The following SEMA3A variants were observed in gnomAD, a reference collection of about 807,000 sequenced individuals.
The protein encoded by SEMA3A is semaphorin 3A, also known as semaphorin-3A.
Under a neutral mutation model 97.9 loss-of-function variants are expected in SEMA3A, and 29 were observed. That is an observed-to-expected ratio of 0.30 (90% CI 0.22 to 0.40). The LOEUF (loss-of-function observed/expected upper bound fraction) is 0.40, where lower values mean the gene tolerates loss of function less well. SEMA3A is among the 10% of genes least tolerant of loss of function. The probability of loss-of-function intolerance (pLI) is 1.00; values close to 1 mark genes in which losing one functional copy is unlikely to be tolerated. For missense variants in SEMA3A, 763 were observed against 951.3 expected, an observed-to-expected ratio of 0.80 and a Z score of 2.60; for synonymous variants, 321 against 323.7, an observed-to-expected ratio of 0.99 and a Z score of 0.09.
At chr7:84,160,780 T>C (rs1797005675) in intron 1 of SEMA3A, among the ~76,000 whole-genome samples, 1 of 151,056 alleles carries the variant, frequency 6.6e-6, no homozygotes, top group Non-Finnish European at 1.5e-5. Flanking sequence ...CTTGGGAGGC[T>C]GAGGCAGGAG....
chr7:84,308,589 A>G (rs1801226454), intron 2 of SEMA3A, among the ~76,000 whole-genome samples: 1 of 152,148 alleles, frequency 6.6e-6, no homozygotes, highest in Non-Finnish European at 1.5e-5. Flanking sequence ...ACAGTGAGCT[A>G]CAGCTAAAAT....
chr7:84,290,173 A>G (rs1339874451), intron 3 of SEMA3A, among the ~76,000 whole-genome samples: 1 of 152,088 alleles, frequency 6.6e-6, no homozygotes, highest in Non-Finnish European at 1.5e-5. Context: ...GATTGTGATG[A>G]TAATTATACC....
chr7:84,262,504 A>G (rs552208274), intron 3 of SEMA3A, among the ~76,000 whole-genome samples: 2 of 152,340 alleles, frequency 1.3e-5, no homozygotes, highest in South Asian at 2.1e-4. Context: ...GTAAGCCACC[A>G]TGCCTGGCCA....
chr7:84,379,913 G>T (rs1464036798), intron 1 of SEMA3A, among the ~76,000 whole-genome samples: 1 of 152,128 alleles, frequency 6.6e-6, no homozygotes, highest in East Asian at 1.9e-4. Flanking sequence ...AATATAGTTA[G>T]ATTTGTTTGG....
chr7:84,023,451 C>T (rs1248296669), intron 6 of SEMA3A, among the ~76,000 whole-genome samples: 2 of 152,076 alleles, frequency 1.3e-5, no homozygotes, highest in Non-Finnish European at 2.9e-5. Context: ...AGTTGGGATA[C>T]ATATTGGTTT....
intron 12 of SEMA3A, among the ~76,000 whole-genome samples, chr7:83,992,863 T>C (rs1011268359): frequency 1.3e-5 from 2 of 152,046 alleles, no homozygotes; most frequent in African/African-American, 2.4e-5. Flanking sequence ...GTTCAATTCC[T>C]GGGTATCCTT....
chr7:84,355,455 T>C (rs751606910), intron 2 of SEMA3A, among the ~76,000 whole-genome samples: 2 of 151,860 alleles, frequency 1.3e-5, no homozygotes, highest in Non-Finnish European at 2.9e-5. Flanking sequence ...AAACACATAA[T>C]TGTATCCTTT....
intron 6 of SEMA3A, among the ~76,000 whole-genome samples, chr7:84,021,273 G>A (rs1791317758): frequency 1.4e-5 from 2 of 138,936 alleles, no homozygotes; most frequent in African/African-American, 5.9e-5. Flanking sequence ...TGTTGTTCAT[G>A]TGACATAGAA....
intron 6 of SEMA3A, among the ~76,000 whole-genome samples, chr7:84,028,847 C>T (rs543419613): frequency 3.3e-5 from 5 of 152,204 alleles, no homozygotes; most frequent in South Asian, 4.2e-4. Flanking sequence ...TCTCAATCTC[C>T]TGACCTCGTG....
intron 3 of SEMA3A, among the ~76,000 whole-genome samples, chr7:84,218,144 T>C (rs771276262): frequency 6.6e-6 from 1 of 152,248 alleles, no homozygotes; most frequent in African/African-American, 2.4e-5. Context: ...GAATTTCAGA[T>C]AAATGGTATA....
intron 4 of SEMA3A, among the ~76,000 whole-genome samples, chr7:84,064,494 G>C (rs1179652415): frequency 6.6e-6 from 1 of 152,142 alleles, no homozygotes; most frequent in Non-Finnish European, 1.5e-5. Context: ...AAAGAGTCAA[G>C]AGCCATCAGT....
chr7:84,080,491 T>A (rs2115796307), intron 4 of SEMA3A, among the ~76,000 whole-genome samples: 1 of 152,166 alleles, frequency 6.6e-6, no homozygotes, highest in African/African-American at 2.4e-5. Context: ...ATCTTTATTA[T>A]AAATTATTTT....
chr7:84,087,998 T>A (rs150467686), intron 4 of SEMA3A, among the ~76,000 whole-genome samples: 4 of 152,314 alleles, frequency 2.6e-5, no homozygotes, highest in Non-Finnish European at 5.9e-5. Flanking sequence ...GTTTTAGGGA[T>A]CTTGTAGCAC....
At position 84,303,169 on chromosome 7, in the gene SEMA3A, C is replaced by T. The variant is rs113102579; in HGVS notation, c.-83+4038G>A. 3.9e-5 allele frequency among the ~76,000 whole-genome samples: 6 copies of T among 152,180 alleles called. 1 individual carries two copies. The highest frequency in any genetic ancestry group is 1.2e-4 in the African/African-American group (5 of 41,510). On this transcript the variant is annotated intron_variant, in intron 3 of 3. Transcript: ENST00000424555. Reference sequence around the variant, plus strand: ...TGCAGAGGAGGTTAGGCATGTATGCCAGATTCTCTTTCGGGGCAAAACCAA... The same window carrying T: ...TGCAGAGGAGGTTAGGCATGTATGCTAGATTCTCTTTCGGGGCAAAACCAA...
At position 84,268,560 on chromosome 7, in the gene SEMA3A, A is replaced by C. The variant is rs113148262; in HGVS notation, c.-83+38647T>G. Reference sequence around the variant, plus strand: ...GTATTTTCCCTTTTTCTTTAGGATAAATTGGGTTGGCTTCGTGTAACTTCA... The same window carrying C: ...GTATTTTCCCTTTTTCTTTAGGATACATTGGGTTGGCTTCGTGTAACTTCA... On this transcript the variant is annotated intron_variant, in intron 3 of 3. Coordinates refer to the SEMA3A transcript ENST00000424555. Among the ~76,000 whole-genome samples, 5 of 152,068 alleles carry C rather than the reference A, an allele frequency of 3.3e-5. 1 individual carries two copies. Among genetic ancestry groups the C allele is most frequent in the African/African-American group, 1.2e-4 (5 of 41,494 alleles).
At chr7:84,384,197 A>C (rs1803343179) in intron 1 of SEMA3A, among the ~76,000 whole-genome samples, 1 of 152,154 alleles carries the variant, frequency 6.6e-6, no homozygotes. Flanking sequence ...GGAAATTAAA[A>C]ATAATAATCA....
At chr7:84,492,018 A>G (rs570414281) in intron 1 of SEMA3A, among the ~76,000 whole-genome samples, 1 of 152,282 alleles carries the variant, frequency 6.6e-6, no homozygotes, top group African/African-American at 2.4e-5. Flanking sequence ...AATTCCTCAC[A>G]TTAATGTATG....
chr7:84,422,627 T>C (rs1224752239), intron 1 of SEMA3A, among the ~76,000 whole-genome samples: 2 of 152,234 alleles, frequency 1.3e-5, no homozygotes, highest in South Asian at 2.1e-4. Flanking sequence ...TTTTAGATCT[T>C]TCCCGCTTTC....
At chr7:84,215,784 G>A (rs1280149350) in intron 3 of SEMA3A, among the ~76,000 whole-genome samples, 2 of 152,018 alleles carry the variant, frequency 1.3e-5, no homozygotes, top group Non-Finnish European at 2.9e-5. Flanking sequence ...TAGTATAACT[G>A]GGGAAAATTA....
Sources: allele counts gnomAD v4.1 joint callset (sites outside exome capture counted in the v4.1 genomes callset), GRCh38; gene constraint gnomAD v4.1.1; transcripts MANE v1.5; gene names NCBI Gene and HGNC (gene_info 2026-07-23, HGNC 2026-07-21).